The following TYW1B variants were observed in gnomAD, a reference collection of about 807,000 sequenced individuals.
The protein encoded by TYW1B is tRNA-yW synthesizing protein 1 homolog B.
A neutral mutation model predicts 86.9 loss-of-function variants in TYW1B; 73 were observed. The ratio of observed to expected loss-of-function variants is 0.84; its 90% confidence interval spans 0.70 to 1.02. The LOEUF (loss-of-function observed/expected upper bound fraction) is 1.02. Among genes scored for constraint, TYW1B ranks in the 50% least tolerant of loss-of-function variants. TYW1B has a pLI of 0.00. For synonymous variants in TYW1B, 248 were observed against 292.8 expected, an observed-to-expected ratio of 0.85 and a Z score of 1.56; for missense variants, 637 against 827.4, an observed-to-expected ratio of 0.77 and a Z score of 2.82.
intron 11 of TYW1B, among the ~76,000 whole-genome samples, chr7:72,632,323 A>T (rs1273674070): frequency 7.2e-5 from 8 of 111,282 alleles, no homozygotes; most frequent in Admixed American, 1.1e-4. Context: ...TATATATATT[A>T]TATATATATA....
intron 10 of TYW1B, among the ~76,000 whole-genome samples, chr7:72,701,138 T>C (rs1298558884): frequency 2.6e-5 from 4 of 152,224 alleles, no homozygotes; most frequent in South Asian, 2.1e-4. Flanking sequence ...ATGTCAAATC[T>C]TTGTCTAGTA....
intron 7 of TYW1B, among the ~76,000 whole-genome samples, chr7:72,745,991 G>A (rs782153052): frequency 6.6e-6 from 1 of 151,632 alleles, no homozygotes; most frequent in Non-Finnish European, 1.5e-5. Flanking sequence ...AGTCTACCAA[G>A]TAGCTGGGAT....
chr7:72,700,649 C>T (rs1330894758), intron 10 of TYW1B, among the ~76,000 whole-genome samples: 1 of 152,162 alleles, frequency 6.6e-6, no homozygotes. Flanking sequence ...TTCTCTCTCT[C>T]CTGTCCTTCT....
intron 7 of TYW1B, among the ~76,000 whole-genome samples, chr7:72,756,743 C>T (rs1787596750): frequency 6.6e-6 from 1 of 152,098 alleles, no homozygotes; most frequent in Admixed American, 6.6e-5. Flanking sequence ...AATCAGGTAC[C>T]TGATAAAGAG....
intron 13 of TYW1B, among the ~76,000 whole-genome samples, chr7:72,589,812 G>A (rs1244897175): frequency 3.9e-5 from 6 of 152,198 alleles, no homozygotes; most frequent in Non-Finnish European, 7.3e-5. Flanking sequence ...GGAGGCGGAG[G>A]TTGCAGTGAG....
At chr7:72,799,818 T>A (rs1296546610) in intron 6 of TYW1B, among the ~76,000 whole-genome samples, 1 of 152,160 alleles carries the variant, frequency 6.6e-6, no homozygotes, top group Non-Finnish European at 1.5e-5. Flanking sequence ...TAACACCTTG[T>A]CTGAGATATA....
At chr7:72,622,331 T>C (rs575417076) in intron 12 of TYW1B, among the ~76,000 whole-genome samples, 5 of 152,360 alleles carry the variant, frequency 3.3e-5, no homozygotes, top group East Asian at 1.9e-4. Context: ...GTAGCCTCTA[T>C]TGATTTCGTT....
chr7:72,649,082 C>T (rs1476751690), intron 11 of TYW1B, among the ~76,000 whole-genome samples: 17 of 152,094 alleles, frequency 1.1e-4, no homozygotes, highest in African/African-American at 4.1e-4. Context: ...TTGAACAAGA[C>T]AGTCCATAGT....
intron 11 of TYW1B, among the ~76,000 whole-genome samples, chr7:72,672,773 C>T (rs1813640449): frequency 6.6e-6 from 1 of 152,152 alleles, no homozygotes; most frequent in Non-Finnish European, 1.5e-5. Context: ...CATATATACA[C>T]ATATGTGTGC....
chr7:72,802,204 C>G (rs1319675561), intron 6 of TYW1B, among the ~76,000 whole-genome samples, 196 bp downstream of exon 6: 1 of 152,094 alleles, frequency 6.6e-6, no homozygotes, highest in African/African-American at 2.4e-5. Flanking sequence ...CTCTGATGAG[C>G]TGACTTTCAC....
intron 13 of TYW1B, among the ~76,000 whole-genome samples, chr7:72,607,762 G>C (rs1280775552): frequency 6.6e-6 from 1 of 151,920 alleles, no homozygotes; most frequent in Non-Finnish European, 1.5e-5. Flanking sequence ...AAAGAGAAGA[G>C]AAATAAGATG....
chr7:72,827,981 G>C, intron 1 of TYW1B, 91 bp downstream of exon 1: 2 of 1,587,466 alleles, frequency 1.3e-6, no homozygotes, highest in Non-Finnish European at 1.7e-6. Flanking sequence ...GAAGGAAGGG[G>C]ACCGAGGACG....
At chr7:72,737,051 G>A (rs1421291407) in intron 8 of TYW1B, among the ~76,000 whole-genome samples, 1 of 152,160 alleles carries the variant, frequency 6.6e-6, no homozygotes, top group Non-Finnish European at 1.5e-5. Context: ...AAACCCCACT[G>A]TCATATACAG....
At position 72,774,583 on chromosome 7, in the gene TYW1B, G is replaced by T. The variant is rs180763377; in HGVS notation, c.964+2833C>A. Among the ~76,000 whole-genome samples the T allele has an allele frequency of 3.4e-3, 510 of 151,968 alleles. 2 individuals carry two copies. The highest frequency in any genetic ancestry group is 0.012 in the African/African-American group (481 of 41,492). On this transcript the variant is annotated intron_variant, in intron 7 of 13. Transcript: ENST00000620995. Reference sequence around the variant, plus strand: ...TAAAAATACAAAAAATTAGCCAGGCGTGGTAGTGGCAGCCAGTTACTCAGG... The same window carrying T: ...TAAAAATACAAAAAATTAGCCAGGCTTGGTAGTGGCAGCCAGTTACTCAGG...
intron 2 of TYW1B, among the ~76,000 whole-genome samples, chr7:72,826,101 C>T (rs114527724): frequency 0.016 from 2,434 of 152,296 alleles, 71 homozygotes; most frequent in African/African-American, 0.054. Flanking sequence ...CTTAACTTTG[C>T]TGTTCCAGTC....
At chr7:72,826,590 ATTTG>A (rs1788934380) in intron 2 of TYW1B, among the ~76,000 whole-genome samples, 1 of 152,162 alleles carries the variant, frequency 6.6e-6, no homozygotes, top group Non-Finnish European at 1.5e-5. Flanking sequence ...TATAAAACAA[ATTTG>A]TTTTTCATAT....
intron 11 of TYW1B, among the ~76,000 whole-genome samples, chr7:72,645,795 T>TC (rs1812915757): frequency 1.3e-5 from 2 of 152,116 alleles, no homozygotes; most frequent in Non-Finnish European, 2.9e-5. Flanking sequence ...AGGAAAGAAC[T>TC]CTGAAGGTGC....
intron 9 of TYW1B, among the ~76,000 whole-genome samples, chr7:72,715,872 A>AG (rs1221840785): frequency 2.0e-5 from 3 of 152,148 alleles, no homozygotes; most frequent in African/African-American, 7.2e-5. Flanking sequence ...GCTTGGGCCT[A>AG]GGGGAGAAGC....
intron 2 of TYW1B, 27 bp downstream of exon 2, chr7:72,826,828 T>G (rs1788939833): frequency 6.2e-7 from 1 of 1,603,716 alleles, no homozygotes; most frequent in South Asian, 1.1e-5. Flanking sequence ...GCCTAAATAC[T>G]CTATTAAAAA....
Sources: gnomAD v4.1 joint callset for allele counts (sites outside exome capture counted in the v4.1 genomes callset) on GRCh38, gnomAD v4.1.1 for gene constraint, MANE v1.5 for transcripts, NCBI Gene and HGNC (gene_info 2026-07-23, HGNC 2026-07-21) for gene names.